TECRL: variants seen among roughly 807,000 people sequenced by gnomAD.
TECRL encodes trans-2,3-enoyl-CoA reductase-like.
TECRL carries 63 observed loss-of-function variants against 52.8 expected under a neutral mutation model. The ratio of observed to expected loss-of-function variants is 1.19; its 90% confidence interval spans 0.97 to 1.47. TECRL has a LOEUF of 1.47. TECRL is among the 40% of genes most tolerant of loss of function. The probability of loss-of-function intolerance (pLI) is 0.00; values close to 1 mark genes in which losing one functional copy is unlikely to be tolerated. For missense variants in TECRL, 482 were observed against 429.6 expected (o/e 1.12, Z -1.08); for synonymous variants, 164 against 141.9 (o/e 1.16, Z -1.10).
chr4:64,329,829 A>G (rs1421241273), intron 2 of TECRL, among the ~76,000 whole-genome samples: 1 of 151,810 alleles, frequency 6.6e-6, no homozygotes, highest in Non-Finnish European at 1.5e-5. Flanking sequence ...AATATACTCA[A>G]TTATTAGTAC....
chr4:64,367,621 A>G (rs190430976), intron 2 of TECRL, among the ~76,000 whole-genome samples: 13 of 151,178 alleles, frequency 8.6e-5, no homozygotes, highest in African/African-American at 3.1e-4. Context: ...CACACTGAGT[A>G]GTCAATTTTT....
chr4:64,360,561 C>T (rs762371101), intron 2 of TECRL, among the ~76,000 whole-genome samples: 15 of 152,046 alleles, frequency 9.9e-5, no homozygotes, highest in Non-Finnish European at 2.1e-4. Flanking sequence ...TCAGGAAGAA[C>T]TTCTCTCACC....
intron 2 of TECRL, among the ~76,000 whole-genome samples, chr4:64,358,248 C>G (rs10008100): frequency 0.9 from 136,392 of 151,812 alleles, 61,931 homozygotes; most frequent in East Asian, 1. Context: ...AAGAAGTTCA[C>G]AAGGATAAAT....
chr4:64,379,556 A>C (rs1033439441), intron 1 of TECRL, among the ~76,000 whole-genome samples: 4 of 152,126 alleles, frequency 2.6e-5, no homozygotes, highest in Non-Finnish European at 5.9e-5. Flanking sequence ...TCACCCTACT[A>C]TGCTGTCACA....
chr4:64,385,601 T>A (rs1723121843), intron 1 of TECRL, among the ~76,000 whole-genome samples: 1 of 152,092 alleles, frequency 6.6e-6, no homozygotes, highest in African/African-American at 2.4e-5. Context: ...TATGAGGGGA[T>A]GTCAGTGGGG....
intron 3 of TECRL, among the ~76,000 whole-genome samples, chr4:64,326,230 C>A (rs767605688): frequency 3.9e-5 from 6 of 152,034 alleles, no homozygotes; most frequent in Non-Finnish European, 7.4e-5. Flanking sequence ...GGAAAAAAAT[C>A]TATTTTTTCT....
intron 2 of TECRL, 85 bp downstream of exon 2, chr4:64,375,087 A>C (rs6551827): frequency 1.6e-6 from 1 of 609,344 alleles, no homozygotes; most frequent in Non-Finnish European, 2.7e-6. Flanking sequence ...ATACACTCTA[A>C]CATATATTGC....
intron 6 of TECRL, 28 bp downstream of exon 6, chr4:64,309,798 C>T (rs1156262057): frequency 2.2e-6 from 3 of 1,378,934 alleles, no homozygotes; most frequent in South Asian, 2.4e-5. Flanking sequence ...ATGTCTCAAT[C>T]ATTATTAAAA....
chr4:64,298,237 T>G (rs975161461), intron 8 of TECRL, among the ~76,000 whole-genome samples: 13 of 151,254 alleles, frequency 8.6e-5, no homozygotes, highest in Non-Finnish European at 1.6e-4. Flanking sequence ...AGTTATCACA[T>G]TTACCTACTT....
intron 7 of TECRL, among the ~76,000 whole-genome samples, chr4:64,301,478 A>G (rs1430382136): frequency 6.6e-6 from 1 of 151,226 alleles, no homozygotes; most frequent in Non-Finnish European, 1.5e-5. Flanking sequence ...CATGACAGGC[A>G]CTGAACTTTG....
intron 2 of TECRL, among the ~76,000 whole-genome samples, chr4:64,345,925 A>AAAAAAAAAAAAC (rs1719939536): frequency 6.8e-6 from 1 of 146,062 alleles, no homozygotes; most frequent in African/African-American, 2.5e-5. Context: ...AAAAAAAAAA[A>AAAAAAAAAAAAC]AAAAAACATT....
rs1160053779 is a variant in TECRL, at chr4:64,314,618, T to C, written c.551+30A>G. On this transcript the variant is annotated intron_variant, in intron 5 of 11. Transcript: ENST00000381210. Reference sequence around the variant, plus strand: ...GTGTGTGTGTGTGTGTGTGTGTGTGTGTGTGTGTGTGTGTGTGTGTATCAC... The same window carrying C: ...GTGTGTGTGTGTGTGTGTGTGTGTGCGTGTGTGTGTGTGTGTGTGTATCAC... 4.5e-6 allele frequency: 5 copies of C among 1,121,614 alleles called. No homozygotes were observed. In the Admixed American group the frequency reaches 8.5e-5, roughly 19 times the overall value. The allele number at this position is 1,121,614 out of a possible 1,614,324, so 69.5% of individuals were successfully genotyped here. A position where few individuals can be genotyped will look rare whatever the true frequency, so the allele number is the denominator to read the frequency against.
intron 2 of TECRL, among the ~76,000 whole-genome samples, chr4:64,353,853 T>G (rs572964435): frequency 3.9e-5 from 6 of 151,914 alleles, no homozygotes; most frequent in East Asian, 1.9e-4. Flanking sequence ...ATCTAGGCAA[T>G]CCCAACATAT....
intron 8 of TECRL, among the ~76,000 whole-genome samples, chr4:64,299,658 C>A (rs1553908410): frequency 6.6e-6 from 1 of 150,778 alleles, no homozygotes; most frequent in Non-Finnish European, 1.5e-5. Context: ...GTAAGATTTG[C>A]AAAAAATTTT....
chr4:64,312,367 G>A (rs540566511), intron 5 of TECRL, among the ~76,000 whole-genome samples: 1 of 152,264 alleles, frequency 6.6e-6, no homozygotes, highest in South Asian at 2.1e-4. Context: ...TGTATCTGCT[G>A]TGGAATTACT....
At chr4:64,342,201 G>A (rs1247876700) in intron 2 of TECRL, among the ~76,000 whole-genome samples, 2 of 152,126 alleles carry the variant, frequency 1.3e-5, no homozygotes, top group Admixed American at 1.3e-4. Flanking sequence ...CCTGTTTTTG[G>A]TCTTTATATC....
chr4:64,381,485 G>A (rs561361856), intron 1 of TECRL, among the ~76,000 whole-genome samples: 52 of 151,032 alleles, frequency 3.4e-4, no homozygotes, highest in Middle Eastern at 3.4e-3. Context: ...AAAGGCTGTC[G>A]TTTTCTTCCC....
chr4:64,393,890 T>C (rs995446910), intron 1 of TECRL, among the ~76,000 whole-genome samples: 7 of 151,986 alleles, frequency 4.6e-5, no homozygotes, highest in Admixed American at 4.6e-4. Flanking sequence ...AAGAGCTAGC[T>C]AGCTAGATAA....
chr4:64,358,863 G>A (rs556011370), intron 2 of TECRL, among the ~76,000 whole-genome samples: 26 of 151,834 alleles, frequency 1.7e-4, no homozygotes. Flanking sequence ...ATTTATCACA[G>A]GAGGAATCTA....
Sources: gnomAD v4.1 joint callset for allele counts (sites outside exome capture counted in the v4.1 genomes callset) on GRCh38, gnomAD v4.1.1 for gene constraint, MANE v1.5 for transcripts, NCBI Gene and HGNC (gene_info 2026-07-23, HGNC 2026-07-21) for gene names.